The following SP140 variants were observed in gnomAD, a reference collection of about 807,000 sequenced individuals.
SP140 encodes the protein SP140 nuclear body protein.
Under a neutral mutation model 125.0 loss-of-function variants are expected in SP140, and 81 were observed. That is an observed-to-expected ratio of 0.65 (90% CI 0.54 to 0.78). The LOEUF is 0.78. SP140 is among the 30% of genes least tolerant of loss of function. The probability of loss-of-function intolerance (pLI) is 0.00; values close to 1 mark genes in which losing one functional copy is unlikely to be tolerated. For missense variants in SP140, 858 were observed against 1,037.0 expected, an observed-to-expected ratio of 0.83 and a Z score of 2.37; for synonymous variants, 312 against 354.0, an observed-to-expected ratio of 0.88 and a Z score of 1.33.
chr2:230,292,719 C>T lies in SP140; in HGVS notation c.1899C>T (p.Gly633=), dbSNP rs1304655481. ...CCACGGAATTTGAAATCAAAGGAGG[C>T]CATGCAAGATCAAAGAACTGGAGGC... ...FTPTEFEIKG[G]HARSKNWRLS... Residue 633 remains glycine, a synonymous_variant, in exon 20 of 27, where the codon GGC becomes GGT. Transcript: ENST00000392045. 6.2e-7 allele frequency: 1 copy of T among 1,614,186 alleles called. No homozygotes were observed. Among genetic ancestry groups the T allele is most frequent in the Admixed American group, 1.7e-5 (1 of 60,028 alleles).
chr2:230,202,082 G>T (rs2043238348), upstream of SP140, among the ~76,000 whole-genome samples: 1 of 152,092 alleles, frequency 6.6e-6, no homozygotes, highest in South Asian at 2.1e-4. Flanking sequence ...AAAGAGATTT[G>T]CACAAACATA....
In SP140 at chr2:230,238,956, G is replaced by A. The variant is rs921915652; in HGVS notation, c.406+575G>A. The A allele has an allele frequency of 3.3e-6, 5 of 1,530,372 alleles. No homozygotes were observed. In the African/African-American group the frequency reaches 5.5e-5, roughly 17 times the overall value. The allele number at this position is 1,530,372 out of a possible 1,614,324, so 94.8% of individuals were successfully genotyped here. On this transcript the variant is annotated intron_variant, in intron 3 of 26. Transcript: ENST00000392045. ...TTGCAGACTGTGGGAGGCAGGGTGT[G>A]AGAGCTGACTCTGGAGAAAGAAGTT...
intron 12 of SP140, among the ~76,000 whole-genome samples, chr2:230,259,006 G>A (rs906989537): frequency 6.6e-6 from 1 of 152,224 alleles, no homozygotes; most frequent in Non-Finnish European, 1.5e-5. Flanking sequence ...CAACTAGGAT[G>A]AGATGTGGCT....
Position 230,237,052 on chromosome 2 carries a change from TCTA to T in SP140, c.60-28_60-26del. On this transcript the variant is annotated intron_variant, in intron 1 of 26. Transcript: ENST00000392045. The surrounding 1 kb of genome is among the most constrained non-coding windows in gnomAD (Gnocchi z 5.4). ...CCACAAACCTCTTGGAAACTCAGTG[TCTA>T]CTTCCACGTTGTATCTTTGTTTCTT... is the stretch of plus-strand genomic sequence containing the variant. 1 of 1,527,194 alleles carries T rather than the reference TCTA, an allele frequency of 6.5e-7. No individual in the cohort carries two copies. Among genetic ancestry groups the T allele is most frequent in the Non-Finnish European group, 8.8e-7 (1 of 1,138,892 alleles). 94.6% of individuals were successfully genotyped at this position (1,527,194 alleles called of 1,614,324 possible). A position where few individuals can be genotyped will look rare whatever the true frequency, so the allele number is the denominator to read the frequency against.
At chr2:230,265,893 A>G (rs775653451) in intron 12 of SP140, among the ~76,000 whole-genome samples, 5 of 152,072 alleles carry the variant, frequency 3.3e-5, no homozygotes, top group South Asian at 2.1e-4. Context: ...TTATGTACGT[A>G]TAAAAGAAAA....
Position 230,248,707 on chromosome 2 carries a change from G to A in SP140, c.893-178G>A, listed in dbSNP as rs766614297. Among the ~76,000 whole-genome samples, 7 of 152,274 alleles carry A rather than the reference G, an allele frequency of 4.6e-5. No individual in the cohort carries two copies. In the East Asian group the frequency reaches 7.7e-4, roughly 17 times the overall value. On this transcript the variant is annotated intron_variant, in intron 8 of 26. Transcript: ENST00000392045. ...GGAGGGAATTATGTGGAGGCAGAAC[G>A]GTGAGGAGGACACTGAGAATTACAG...
chr2:230,255,610 T>C lies in SP140; in HGVS notation c.1240+78T>C, dbSNP rs1034371162. 9 of 1,343,452 alleles carry C rather than the reference T, an allele frequency of 6.7e-6. No homozygotes were observed. In the East Asian group the frequency reaches 2.1e-4, roughly 31 times the overall value. The allele number at this position is 1,343,452 out of a possible 1,614,324, so 83.2% of individuals were successfully genotyped here. On this transcript the variant is annotated intron_variant, in intron 12 of 26. Transcript: ENST00000392045. ...TGAATTTGGAGCTCGTGTTTCCTGA[T>C]TGACTTTCCTCTGCATATACCTCAC...
At chr2:230,203,164 G>T in exon 1 of SP140, 1 of 210,826 alleles carries the variant, frequency 4.7e-6, no homozygotes, top group Non-Finnish European at 9.7e-6. Flanking sequence ...TGGGCAAAGT[G>T]CAAGGTATTA....
chr2:230,223,918 G>T (rs955951904), upstream of SP140, among the ~76,000 whole-genome samples: 1 of 152,212 alleles, frequency 6.6e-6, no homozygotes, highest in Non-Finnish European at 1.5e-5. Context: ...AGAGCCAGGA[G>T]GCAGGCCGGA....
Position 230,260,684 on chromosome 2 carries a change from A to G in SP140, c.1240+5152A>G, listed in dbSNP as rs1331898529. Among the ~76,000 whole-genome samples the G allele has an allele frequency of 5.9e-5, 9 of 152,262 alleles. No individual in the cohort carries two copies. In the East Asian group the frequency reaches 1.7e-3, roughly 29 times the overall value. ...GTGGCTTGCCAATTATCCCAGCACC[A>G]TTTGTTGAATAGGGTGTCCTTTCCC... On this transcript the variant is annotated intron_variant, in intron 12 of 26. Coordinates refer to ENST00000392045, the MANE Select transcript of SP140 (RefSeq NM_007237.5).
At position 230,287,956 on chromosome 2, in the gene SP140, C is replaced by T; in HGVS notation, c.1710C>T (p.Val570=). The change falls in exon 18 of 27, where the codon GTC becomes GTT. Residue 570 remains valine, a synonymous_variant. Coordinates refer to ENST00000392045, the MANE Select transcript of SP140 (RefSeq NM_007237.5). ...TQSDRAAQKR[V]RSRASRKHKD... is the part of the protein sequence containing the mutation. ...GTGACAGAGCTGCACAGAAAAGAGT[C>T]CGATCAAGAGGTAAAAAAGAAAACA... is the stretch of plus-strand genomic sequence containing the variant. The T allele has an allele frequency of 6.2e-7, 1 of 1,611,718 alleles. No homozygotes were observed. Among genetic ancestry groups the T allele is most frequent in the South Asian group, 1.1e-5 (1 of 90,482 alleles).
At chr2:230,284,512 C>A (rs1021797840) in intron 16 of SP140, 101 bp downstream of exon 16, 9 of 911,516 alleles carry the variant, frequency 9.9e-6, no homozygotes, top group African/African-American at 6.9e-5. Flanking sequence ...GAGTTCTATA[C>A]CTCCTGTATC....
chr2:230,192,165 C>T, the SP140 span, among the ~76,000 whole-genome samples: 2 of 152,114 alleles, frequency 1.3e-5, no homozygotes, highest in South Asian at 2.1e-4. Context: ...ATGACAAACC[C>T]ACAGCCAATA....
At chr2:230,215,777 T>G (rs575515313) in intron 3 of SP140, among the ~76,000 whole-genome samples, 103 of 152,386 alleles carry the variant, frequency 6.8e-4, no homozygotes, top group Non-Finnish European at 1.2e-3. Flanking sequence ...GGGTAGGCAC[T>G]GTCAAGTGGA....
chr2:230,261,728 T>A (rs1283431934), intron 12 of SP140, among the ~76,000 whole-genome samples: 1 of 152,228 alleles, frequency 6.6e-6, no homozygotes, highest in East Asian at 1.9e-4. Context: ...TTTTTGTTTT[T>A]AATTCTGTTT....
intron 1 of SP140, among the ~76,000 whole-genome samples, chr2:230,212,096 T>TG (rs766557419): frequency 3.3e-5 from 5 of 152,118 alleles, no homozygotes; most frequent in Non-Finnish European, 1.5e-5. Context: ...CATAATCAGG[T>TG]GGGGGTGAGG....
intron 11 of SP140, among the ~76,000 whole-genome samples, chr2:230,255,004 C>T (rs151258226): frequency 1.0e-3 from 158 of 152,164 alleles, no homozygotes; most frequent in African/African-American, 3.7e-3. Context: ...TTTCCTGATA[C>T]CCAGTATGAA....
chr2:230,246,871 AGTT>A (rs1375997045), intron 7 of SP140, among the ~76,000 whole-genome samples: 1 of 152,192 alleles, frequency 6.6e-6, no homozygotes, highest in Non-Finnish European at 1.5e-5. Flanking sequence ...GAGGCACAAA[AGTT>A]GTACACAGAG....
At chr2:230,215,216 C>G (rs561150915) in intron 3 of SP140, 4 of 957,856 alleles carry the variant, frequency 4.2e-6, no homozygotes, top group African/African-American at 1.7e-5. Context: ...CTACCTTACT[C>G]TTTTAAGAAG....
Sources: gnomAD v4.1 joint callset for allele counts (sites outside exome capture counted in the v4.1 genomes callset) on GRCh38, gnomAD v4.1.1 for gene constraint, Gnocchi (gnomAD v3.1) non-coding constraint, MANE v1.5 for transcripts, NCBI Gene and HGNC (gene_info 2026-07-23, HGNC 2026-07-21) for gene names.